Variants in BCAS3 observed in about 807,000 individuals in gnomAD.
BCAS3 encodes BCAS3 microtubule associated cell migration factor.
Under a neutral mutation model 116.1 loss-of-function variants are expected in BCAS3, and 53 were observed. That is an observed-to-expected ratio of 0.46 (90% CI 0.37 to 0.57). The LOEUF (loss-of-function observed/expected upper bound fraction) is 0.57. Among genes scored for constraint, BCAS3 ranks in the 20% least tolerant of loss-of-function variants. The pLI is 0.00. For synonymous variants in BCAS3, 391 were observed against 408.2 expected (o/e 0.96, Z 0.51); for missense variants, 917 against 1,165.4 (o/e 0.79, Z 3.10).
intron 3 of BCAS3, among the ~76,000 whole-genome samples, chr17:60,685,803 G>A (rs767947185): frequency 3.6e-4 from 55 of 151,996 alleles, no homozygotes; most frequent in Non-Finnish European, 5.4e-4. Flanking sequence ...GTGAGACGTC[G>A]TCATTTTAGC....
chr17:61,272,977 G>A (rs953074273), intron 22 of BCAS3, among the ~76,000 whole-genome samples: 1 of 151,716 alleles, frequency 6.6e-6, no homozygotes, highest in Non-Finnish European at 1.5e-5. Context: ...TCCTTGCCTT[G>A]GTAATTCCTT....
At chr17:60,792,122 C>G (rs764070852) in intron 6 of BCAS3, among the ~76,000 whole-genome samples, 73 of 151,996 alleles carry the variant, frequency 4.8e-4, no homozygotes, top group Non-Finnish European at 3.1e-4. Flanking sequence ...GACTCCATCT[C>G]AAAAACAAAA....
At chr17:61,359,691 A>G (rs377054453) in intron 22 of BCAS3, among the ~76,000 whole-genome samples, 29 of 152,326 alleles carry the variant, frequency 1.9e-4, no homozygotes, top group African/African-American at 7.0e-4. Context: ...GGGTTTTGCC[A>G]TGTTGGCCAG....
At chr17:60,759,536 T>C (rs1384296089) in intron 6 of BCAS3, among the ~76,000 whole-genome samples, 2 of 152,194 alleles carry the variant, frequency 1.3e-5, no homozygotes, top group African/African-American at 4.8e-5. Context: ...ATATTCGCTT[T>C]ATGAATCTGG....
intron 18 of BCAS3, among the ~76,000 whole-genome samples, chr17:61,039,136 GTTTAC>G (rs752402030): frequency 7.9e-5 from 12 of 152,264 alleles, no homozygotes; most frequent in Non-Finnish European, 1.3e-4. Flanking sequence ...GCAGCAGCCA[GTTTAC>G]TTTCTTTCTC....
At chr17:60,814,281 G>GTA (rs2049117338) in intron 7 of BCAS3, among the ~76,000 whole-genome samples, 1 of 130,974 alleles carries the variant, frequency 7.6e-6, no homozygotes, top group African/African-American at 4.3e-5. Flanking sequence ...GTGTGTGTGT[G>GTA]TGTGTGTGTG....
chr17:60,943,464 C>G (rs1414384009), intron 13 of BCAS3, among the ~76,000 whole-genome samples: 1 of 152,044 alleles, frequency 6.6e-6, no homozygotes, highest in Non-Finnish European at 1.5e-5. Context: ...AACTAGACCT[C>G]AGAGCAAGGA....
rs1021010392 is a variant in BCAS3, at chr17:61,286,480, G to A, written c.2426-81847G>A. Among the ~76,000 whole-genome samples, 20 of 152,180 alleles carry A rather than the reference G, an allele frequency of 1.3e-4. No individual in the cohort carries two copies. The highest frequency in any genetic ancestry group is 3.3e-4 in the Admixed American group (5 of 15,278). ...GGTGTTTATGACCCTGGAGGCCATCGATAACTGGACCTAGAAGGGTTTCTC... is the reference window on the plus strand; with the variant it reads ...GGTGTTTATGACCCTGGAGGCCATCAATAACTGGACCTAGAAGGGTTTCTC... On this transcript the variant is annotated intron_variant, in intron 22 of 23. Coordinates refer to ENST00000407086, the MANE Select transcript of BCAS3 (RefSeq NM_017679.5). The surrounding 1 kb of genome is among the most constrained non-coding windows in gnomAD (Gnocchi z 4.8).
At chr17:60,835,147 A>G (rs1433133581) in intron 7 of BCAS3, among the ~76,000 whole-genome samples, 1 of 152,040 alleles carries the variant, frequency 6.6e-6, no homozygotes, top group African/African-American at 2.4e-5. Flanking sequence ...AATGGACATT[A>G]AATTCATATA....
Position 61,283,387 on chromosome 17 carries a change from G to A in BCAS3, c.2426-84940G>A, listed in dbSNP as rs1007661672. On this transcript the variant is annotated intron_variant, in intron 22 of 23. Transcript: ENST00000407086. ...TAACTCTCCTATTTAGTTCATCAGC[G>A]ATGATGAAGGGAAGACCAAGTGAAT... Among the ~76,000 whole-genome samples, 139 of 151,930 alleles carry A rather than the reference G, an allele frequency of 9.1e-4. 1 individual carries two copies. The highest frequency in any genetic ancestry group is 4.6e-4 in the Non-Finnish European group (31 of 68,020).
At chr17:61,178,481 G>C (rs956703058) in intron 22 of BCAS3, among the ~76,000 whole-genome samples, 2 of 152,010 alleles carry the variant, frequency 1.3e-5, no homozygotes, top group African/African-American at 4.8e-5. Flanking sequence ...TTGTTGTTAT[G>C]AATATAGAGA....
At chr17:61,321,765 C>T (rs1025630755) in intron 22 of BCAS3, among the ~76,000 whole-genome samples, 1 of 152,052 alleles carries the variant, frequency 6.6e-6, no homozygotes, top group Non-Finnish European at 1.5e-5. Flanking sequence ...TCCAATCTGG[C>T]CATGCTTCTG....
intron 22 of BCAS3, among the ~76,000 whole-genome samples, chr17:61,271,620 T>TGC (rs963560447): frequency 2.0e-5 from 3 of 148,420 alleles, no homozygotes; most frequent in Non-Finnish European, 3.0e-5. Flanking sequence ...TGTGTGTGTG[T>TGC]GTGTGTGTGT....
chr17:60,971,448 C>T (rs1045766454), intron 14 of BCAS3, among the ~76,000 whole-genome samples: 3 of 152,100 alleles, frequency 2.0e-5, no homozygotes, highest in Admixed American at 6.5e-5. Flanking sequence ...GTTGGCCCAC[C>T]GACATAGTTT....
At chr17:61,296,715 T>C (rs2052944153) in intron 22 of BCAS3, among the ~76,000 whole-genome samples, 1 of 152,198 alleles carries the variant, frequency 6.6e-6, no homozygotes, top group African/African-American at 2.4e-5. Flanking sequence ...CTGGAAAAAT[T>C]ATTGACTAAA....
chr17:61,072,454 GTTAC>G (rs1247870490), intron 19 of BCAS3, among the ~76,000 whole-genome samples: 11 of 151,944 alleles, frequency 7.2e-5, no homozygotes, highest in African/African-American at 2.2e-4. Context: ...TTCTAGTGCC[GTTAC>G]TTACTTAGTA....
rs140135996 is a variant in BCAS3, at chr17:61,205,619, C to T, written c.2425+121055C>T. On this transcript the variant is annotated intron_variant, in intron 22 of 23. Transcript: ENST00000407086. The surrounding 1 kb of genome is among the most constrained non-coding windows in gnomAD (Gnocchi z 5.2). ...GTGTGATTGCTACCACATGCTGTAGCGCCTCCTAACCCTGCCGTTGGTCTG... is the reference window on the plus strand; with the variant it reads ...GTGTGATTGCTACCACATGCTGTAGTGCCTCCTAACCCTGCCGTTGGTCTG... 4.5e-4 allele frequency among the ~76,000 whole-genome samples: 69 copies of T among 152,264 alleles called. No individual in the cohort carries two copies. Among genetic ancestry groups the T allele is most frequent in the Non-Finnish European group, 8.2e-4 (56 of 68,026 alleles).
intron 22 of BCAS3, among the ~76,000 whole-genome samples, chr17:61,270,765 G>T (rs2050170978): frequency 6.6e-6 from 1 of 152,020 alleles, no homozygotes; most frequent in Non-Finnish European, 1.5e-5. Context: ...GTTTTGAGAT[G>T]AAGTTTTGCT....
rs2048196702 is a variant in BCAS3 at position 61,249,303 on chromosome 17, A to G, written c.2426-119024A>G. 2.0e-5 allele frequency among the ~76,000 whole-genome samples: 3 copies of G among 152,182 alleles called. No homozygotes were observed. The highest frequency in any genetic ancestry group is 2.0e-4 in the Admixed American group (3 of 15,278). ...ACTCCATCTCAAAAATAAATAAATA[A>G]AATAAAATAGAAACTTGAAAATAAT... On this transcript the variant is annotated intron_variant, in intron 22 of 23. Transcript: ENST00000407086. The surrounding 1 kb of genome is among the most constrained non-coding windows in gnomAD (Gnocchi z 6.2).
Sources: allele counts gnomAD v4.1 joint callset (sites outside exome capture counted in the v4.1 genomes callset), GRCh38; gene constraint gnomAD v4.1.1; non-coding constraint Gnocchi (gnomAD v3.1); transcripts MANE v1.5; gene names NCBI Gene and HGNC (gene_info 2026-07-23, HGNC 2026-07-21).